Variants in VPS37A observed in about 807,000 individuals in gnomAD.
VPS37A encodes the protein VPS37A subunit of ESCRT-I, also known as vacuolar protein sorting-associated protein 37A.
Under a neutral mutation model 49.8 loss-of-function variants are expected in VPS37A, and 30 were observed. The ratio of observed to expected loss-of-function variants is 0.60; its 90% confidence interval spans 0.45 to 0.82. The LOEUF (loss-of-function observed/expected upper bound fraction) is 0.82, where lower values mean the gene tolerates loss of function less well. Ranked by LOEUF, VPS37A falls within the 40% of genes least tolerant of loss-of-function variation. VPS37A has a pLI of 0.00. For synonymous variants in VPS37A, 195 were observed against 160.6 expected (o/e 1.21, Z -1.62); for missense variants, 593 against 464.4 (o/e 1.28, Z -2.55).
chr8:17,267,483 G>GTC (rs1813582475), intron 2 of VPS37A, among the ~76,000 whole-genome samples: 2 of 151,974 alleles, frequency 1.3e-5, no homozygotes, highest in Non-Finnish European at 2.9e-5. Flanking sequence ...GTGTGTGTGT[G>GTC]TGTTGAAAAT....
intron 1 of VPS37A, among the ~76,000 whole-genome samples, chr8:17,249,542 A>ACAT (rs1489144165): frequency 2.0e-5 from 3 of 152,230 alleles, no homozygotes; most frequent in Non-Finnish European, 4.4e-5. Flanking sequence ...ATAATTCCGG[A>ACAT]GACACTTAAG....
chr8:17,311,322 T>C, the VPS37A span, among the ~76,000 whole-genome samples: 23 of 152,326 alleles, frequency 1.5e-4, no homozygotes, highest in Admixed American at 1.4e-3. Flanking sequence ...AATTCATCTC[T>C]TTATTCCAAG....
At chr8:17,268,624 ATAT>A (rs1016498185) in intron 3 of VPS37A, among the ~76,000 whole-genome samples, 3 of 152,160 alleles carry the variant, frequency 2.0e-5, no homozygotes, top group African/African-American at 7.2e-5. Context: ...AAGTAAGGAA[ATAT>A]TTTGGCTCCA....
At chr8:17,320,766 C>T in the VPS37A span, among the ~76,000 whole-genome samples, 1 of 152,218 alleles carries the variant, frequency 6.6e-6, no homozygotes, top group Non-Finnish European at 1.5e-5. Flanking sequence ...AGGCTCACTT[C>T]TGCCTATGCA....
chr8:17,276,346 G>C, intron 5 of VPS37A, 51 bp from the exon 6 acceptor site: 1 of 1,413,830 alleles, frequency 7.1e-7, no homozygotes, highest in East Asian at 2.3e-5. Flanking sequence ...GTAATTGAGA[G>C]CAGTCAAAAA....
chr8:17,332,685 C>T, the VPS37A span, among the ~76,000 whole-genome samples: 1 of 152,148 alleles, frequency 6.6e-6, no homozygotes, highest in African/African-American at 2.4e-5. Flanking sequence ...TGTAAAAAGC[C>T]ACAAAATCAT....
chr8:17,294,822 C>A (rs922242417), intron 11 of VPS37A, among the ~76,000 whole-genome samples, 165 bp from the exon 12 acceptor site: 5 of 152,196 alleles, frequency 3.3e-5, no homozygotes, highest in Non-Finnish European at 5.9e-5. Context: ...CAGAAATCAC[C>A]TGCCTTCTCT....
chr8:17,276,350 T>C (rs1814510289), intron 5 of VPS37A, 47 bp from the exon 6 acceptor site: 1 of 1,515,114 alleles, frequency 6.6e-7, no homozygotes, highest in Non-Finnish European at 9.1e-7. Flanking sequence ...TTGAGAGCAG[T>C]CAAAAATAAT....
intron 6 of VPS37A, among the ~76,000 whole-genome samples, chr8:17,277,610 A>G (rs1182364390): frequency 6.6e-6 from 1 of 152,030 alleles, no homozygotes; most frequent in African/African-American, 2.4e-5. Context: ...ATTCTTCAGT[A>G]AATTTTTCTA....
In VPS37A at chr8:17,296,441, T is replaced by G. The variant is rs771158283; in HGVS notation, c.*1455T>G. On this transcript the variant is annotated 3_prime_UTR_variant, in exon 12 of 12. Coordinates refer to ENST00000324849, the MANE Select transcript of VPS37A (RefSeq NM_152415.3). ...AGAGTGTTTCAAATTTATGATAGTC[T>G]TTTGGGTATTCAGAAACCTTTCCTT... 20 of 152,176 alleles carry G rather than the reference T, an allele frequency of 1.3e-4. No homozygotes were observed. Among genetic ancestry groups the G allele is most frequent in the Non-Finnish European group, 2.8e-4 (19 of 68,038 alleles). The allele number at this position is 152,176 out of a possible 1,614,324, so 9.4% of individuals were successfully genotyped here.
At chr8:17,313,496 G>T in the VPS37A span, 1 of 745,884 alleles carries the variant, frequency 1.3e-6, no homozygotes. Flanking sequence ...TGATTCCTTT[G>T]TTGTATTAGG....
rs541788360 is a variant in VPS37A at position 17,294,532 on chromosome 8, C to T, written c.*1-455C>T. Among the ~76,000 whole-genome samples the T allele has an allele frequency of 9.2e-5, 14 of 152,308 alleles. No homozygotes were observed. The East Asian group carries it at 9.7e-4, about 11-fold the overall frequency. On this transcript the variant is annotated intron_variant, in intron 11 of 11. Transcript: ENST00000324849. ...GCAGCTAGCTCGATGTCTGGCCAAA[C>T]GGCCACCTAGTTTTGTGGTTGAAAC...
chr8:17,332,702 C>T, the VPS37A span, among the ~76,000 whole-genome samples: 49 of 152,258 alleles, frequency 3.2e-4, no homozygotes, highest in Middle Eastern at 3.4e-3. Flanking sequence ...TCATATAGGT[C>T]GAACCATTAA....
downstream of VPS37A, among the ~76,000 whole-genome samples, chr8:17,304,768 T>TGTGTGTGTGTGTG (rs1563315402): frequency 6.8e-6 from 1 of 147,514 alleles, no homozygotes; most frequent in Non-Finnish European, 1.5e-5. Flanking sequence ...TGTGTGTGTG[T>TGTGTGTGTGTGTG]TAAGCTGTTC....
At chr8:17,264,298 C>T (rs1813249437) in intron 1 of VPS37A, among the ~76,000 whole-genome samples, 1 of 152,102 alleles carries the variant, frequency 6.6e-6, no homozygotes, top group Non-Finnish European at 1.5e-5. Context: ...TATTTATTTC[C>T]TTGAACAATG....
intron 4 of VPS37A, among the ~76,000 whole-genome samples, chr8:17,270,085 G>T (rs1184889116): frequency 2.6e-5 from 4 of 152,028 alleles, no homozygotes; most frequent in African/African-American, 9.7e-5. Flanking sequence ...CAGATCTCAT[G>T]AGAACTCACT....
intron 10 of VPS37A, 101 bp from the exon 11 acceptor site, chr8:17,286,246 T>G (rs980539924): frequency 5.6e-6 from 5 of 886,766 alleles, no homozygotes; most frequent in Non-Finnish European, 8.6e-6. Context: ...AAACATAAAA[T>G]AATGCCAACA....
At chr8:17,272,494 T>C (rs1463280480) in intron 4 of VPS37A, among the ~76,000 whole-genome samples, 2 of 152,234 alleles carry the variant, frequency 1.3e-5, no homozygotes, top group Non-Finnish European at 2.9e-5. Context: ...TTACTTGTTT[T>C]CATTTCAGAT....
chr8:17,279,959 G>A (rs765763241), intron 6 of VPS37A, 69 bp from the exon 7 acceptor site: 2 of 1,599,006 alleles, frequency 1.3e-6, no homozygotes. Flanking sequence ...CTGAAAAATT[G>A]TAAATAGTTG....
Sources: allele counts gnomAD v4.1 joint callset (sites outside exome capture counted in the v4.1 genomes callset), GRCh38; gene constraint gnomAD v4.1.1; transcripts MANE v1.5; gene names NCBI Gene and HGNC (gene_info 2026-07-23, HGNC 2026-07-21).